CEP83: variants seen among roughly 807,000 people sequenced by gnomAD.
The protein encoded by CEP83 is centrosomal protein of 83 kDa.
CEP83 carries 70 observed loss-of-function variants against 101.9 expected under a neutral mutation model. The ratio of observed to expected loss-of-function variants is 0.69; its 90% CI spans 0.57 to 0.84. CEP83 has a LOEUF of 0.84. CEP83 is among the 40% of genes least tolerant of loss of function. The pLI, the probability that CEP83 is intolerant of heterozygous loss-of-function variation, is 0.00. For synonymous variants in CEP83, 264 were observed against 267.9 expected, an observed-to-expected ratio of 0.99 and a Z score of 0.14; for missense variants, 715 against 787.2, an observed-to-expected ratio of 0.91 and a Z score of 1.10.
chr12:94,404,028 T>C (rs948019268), intron 4 of CEP83, among the ~76,000 whole-genome samples: 3 of 152,224 alleles, frequency 2.0e-5, no homozygotes. Flanking sequence ...ATATAAAGCA[T>C]TGTACAATGC....
At chr12:94,266,673 G>A in the CEP83 span, among the ~76,000 whole-genome samples, 1 of 152,294 alleles carries the variant, frequency 6.6e-6, no homozygotes, top group East Asian at 1.9e-4. Context: ...TGTAATGTTG[G>A]GCAAGTTTCT....
Position 94,403,176 on chromosome 12 carries a change from T to C in CEP83, c.411A>G (p.Leu137=). 6.7e-7 allele frequency: 1 copy of C among 1,500,620 alleles called. No individual in the cohort carries two copies. Among genetic ancestry groups the C allele is most frequent in the Non-Finnish European group, 9.3e-7 (1 of 1,078,994 alleles). 93.0% of individuals were successfully genotyped at this position (1,500,620 alleles called of 1,614,324 possible). A position where few individuals can be genotyped will look rare whatever the true frequency, so the allele number is the denominator to read the frequency against. The change falls in exon 5 of 17, where the codon CTA becomes CTG. Residue 137 remains leucine, a synonymous_variant. Coordinates refer to ENST00000397809, the MANE Select transcript of CEP83 (RefSeq NM_016122.3). ...AACAACATAAGTTACTTACTTCATCTAGATTCCTAAAACGTTCTCTCATTG... is the reference window on the plus strand; with the variant it reads ...AACAACATAAGTTACTTACTTCATCCAGATTCCTAAAACGTTCTCTCATTG... ...ETPMRERFRN[L]DEEVEKYRAV... is the part of the protein sequence containing the mutation.
chr12:94,312,827 A>C, intron 15 of CEP83, 87 bp downstream of exon 15: 1 of 1,236,712 alleles, frequency 8.1e-7, no homozygotes. Flanking sequence ...TATATTTTAA[A>C]AGAAAAGAAG....
intron 13 of CEP83, among the ~76,000 whole-genome samples, chr12:94,332,371 T>C (rs2059261051): frequency 6.6e-6 from 1 of 152,210 alleles, no homozygotes; most frequent in South Asian, 2.1e-4. Flanking sequence ...TTATATGATT[T>C]TTTTAGTATT....
the CEP83 span, among the ~76,000 whole-genome samples, chr12:94,288,948 CA>C: frequency 2.0e-5 from 3 of 152,182 alleles, no homozygotes; most frequent in Admixed American, 1.3e-4. Flanking sequence ...TCACAATATT[CA>C]GAACATATTC....
chr12:94,375,906 T>C lies in CEP83; in HGVS notation c.913A>G (p.Ile305Val), dbSNP rs1166425414. Residue 305 changes from isoleucine to valine, a missense_variant, in exon 8 of 17, where the codon ATA becomes GTA. Ile to Val is a conservative substitution (Grantham distance 29). Coordinates refer to ENST00000397809, the MANE Select transcript of CEP83 (RefSeq NM_016122.3). ...CTTACTTTACTGGACAATGTATTTA[T>C]TTCTCGTTCAGCTTTATGCAATTTA... The part of the protein sequence containing the change: ...INKLHKAERE[I>V]NTLSSKVKEL... The C allele has an allele frequency of 1.3e-6, 2 of 1,498,484 alleles. No individual in the cohort carries two copies. The highest frequency in any genetic ancestry group is 2.7e-5 in the South Asian group (2 of 74,322). The allele number at this position is 1,498,484 out of a possible 1,614,324, so 92.8% of individuals were successfully genotyped here. A position where few individuals can be genotyped will look rare whatever the true frequency, so the allele number is the denominator to read the frequency against.
At chr12:94,292,482 G>C in the CEP83 span, among the ~76,000 whole-genome samples, 1 of 152,094 alleles carries the variant, frequency 6.6e-6, no homozygotes, top group African/African-American at 2.4e-5. Flanking sequence ...TTATTAAAAA[G>C]TATATGCAAA....
chr12:94,376,743 ATATAT>A (rs1374216577), intron 7 of CEP83, among the ~76,000 whole-genome samples: 16 of 108,530 alleles, frequency 1.5e-4, no homozygotes, highest in Middle Eastern at 4.7e-3. Context: ...ATATATATAT[ATATAT>A]TTTTTTTTTG....
At chr12:94,282,315 C>T in the CEP83 span, 3 of 1,613,268 alleles carry the variant, frequency 1.9e-6, no homozygotes, top group Non-Finnish European at 1.7e-6. Flanking sequence ...AATGGGCACA[C>T]GACAGAAAGA....
Position 94,402,813 on chromosome 12 carries a change from C to T in CEP83, c.417+357G>A, listed in dbSNP as rs184572115. ...ACTTGGGAGGCTGAAGCAAGAGAAT[C>T]GCTTGAACCCGAGAGGCGGAGGTTG... is the stretch of plus-strand genomic sequence containing the variant. On this transcript the variant is annotated intron_variant, in intron 5 of 16. Coordinates refer to ENST00000397809, the MANE Select transcript of CEP83 (RefSeq NM_016122.3). 3.2e-3 allele frequency: 495 copies of T among 154,840 alleles called. 3 individuals carry two copies. Among genetic ancestry groups the T allele is most frequent in the African/African-American group, 8.7e-3 (360 of 41,608 alleles). 9.6% of individuals were successfully genotyped at this position (154,840 alleles called of 1,614,324 possible). A position where few individuals can be genotyped will look rare whatever the true frequency, so the allele number is the denominator to read the frequency against.
the CEP83 span, chr12:94,277,694 G>A: frequency 1.8e-5 from 6 of 333,890 alleles, no homozygotes; most frequent in East Asian, 8.4e-5. Context: ...TGGAGTGGGC[G>A]TCCTAGCTGT....
chr12:94,276,095 T>C, the CEP83 span, among the ~76,000 whole-genome samples: 1 of 152,164 alleles, frequency 6.6e-6, no homozygotes, highest in African/African-American at 2.4e-5. Flanking sequence ...AAAAAGAACA[T>C]TTATTGCCCA....
chr12:94,267,488 G>T, the CEP83 span, among the ~76,000 whole-genome samples: 1 of 152,048 alleles, frequency 6.6e-6, no homozygotes, highest in South Asian at 2.1e-4. Context: ...TAGCCCCTGG[G>T]GAAAAGGGTA....
chr12:94,399,254 C>T (rs982602016), intron 6 of CEP83, among the ~76,000 whole-genome samples: 6 of 152,134 alleles, frequency 3.9e-5, no homozygotes, highest in South Asian at 2.1e-4. Flanking sequence ...CAATATGTGA[C>T]GGCACCCCCA....
At chr12:94,378,313 T>C (rs769603395) in intron 7 of CEP83, among the ~76,000 whole-genome samples, 2 of 152,182 alleles carry the variant, frequency 1.3e-5, no homozygotes, top group Non-Finnish European at 2.9e-5. Context: ...TGTAAAGGCA[T>C]GTATACCTTT....
At chr12:94,354,827 T>C (rs1199272946) in intron 11 of CEP83, among the ~76,000 whole-genome samples, 6 of 151,912 alleles carry the variant, frequency 3.9e-5, no homozygotes, top group Admixed American at 2.6e-4. Context: ...CTGGCCATCA[T>C]GGTGAAACCC....
At chr12:94,367,773 A>C in intron 11 of CEP83, 21 bp downstream of exon 11, 1 of 1,528,100 alleles carries the variant, frequency 6.5e-7, no homozygotes, top group East Asian at 2.3e-5. Flanking sequence ...GAAAAACTTT[A>C]AATATATATG....
intron 6 of CEP83, among the ~76,000 whole-genome samples, chr12:94,393,294 A>G (rs1238634095): frequency 1.3e-5 from 2 of 152,254 alleles, no homozygotes; most frequent in African/African-American, 4.8e-5. Flanking sequence ...AGCGGGCTTC[A>G]TCCCTGGGAT....
chr12:94,343,538 G>A lies in CEP83; in HGVS notation c.1344-7874C>T, dbSNP rs371836174. 1.3e-4 allele frequency among the ~76,000 whole-genome samples: 17 copies of A among 132,274 alleles called. No homozygotes were observed. The East Asian group carries it at 1.4e-3, about 11-fold the overall frequency. 86.8% of individuals were successfully genotyped at this position (132,274 alleles called of 152,430 possible). On this transcript the variant is annotated intron_variant, in intron 11 of 16. Coordinates refer to ENST00000397809, the MANE Select transcript of CEP83 (RefSeq NM_016122.3). Reference sequence around the variant, plus strand: ...CGCTCTGTCGCCCAGGCCGGACTGCGGACTGCAGTGGCGCAATCTCGGCTC... The same window carrying A: ...CGCTCTGTCGCCCAGGCCGGACTGCAGACTGCAGTGGCGCAATCTCGGCTC...
Sources: allele counts gnomAD v4.1 joint callset (sites outside exome capture counted in the v4.1 genomes callset), GRCh38; gene constraint gnomAD v4.1.1; transcripts MANE v1.5; gene names NCBI Gene and HGNC (gene_info 2026-07-23, HGNC 2026-07-21).